The following TGDS variants were observed in gnomAD, a reference collection of about 807,000 sequenced individuals.
The protein encoded by TGDS is UDP-D-glucose 4,6-dehydratase.
Under a neutral mutation model 52.3 loss-of-function variants are expected in TGDS, and 47 were observed. The observed-to-expected ratio is 0.90, with a 90% confidence interval of 0.71 to 1.15. The LOEUF is 1.15. Among genes scored for constraint, TGDS ranks in the 50% most tolerant of loss-of-function variants. The probability of loss-of-function intolerance (pLI) is 0.00; values close to 1 mark genes in which losing one functional copy is unlikely to be tolerated. For synonymous variants in TGDS, 115 were observed against 136.9 expected (o/e 0.84, Z 1.12); for missense variants, 375 against 418.4 (o/e 0.90, Z 0.90).
In TGDS at chr13:94,595,529, C is replaced by G. The variant is rs146295341; in HGVS notation, c.86+522G>C. ...CATGGGCTAGGGTGGAAACGGGAAA[C>G]TGGTGAGAAGTGGTCGCCGTAAGGA... is the stretch of plus-strand genomic sequence containing the variant. On this transcript the variant is annotated intron_variant, in intron 1 of 11. Coordinates refer to ENST00000261296, the MANE Select transcript of TGDS (RefSeq NM_014305.4). Among the ~76,000 whole-genome samples the G allele has an allele frequency of 6.0e-3, 910 of 152,272 alleles. 3 individuals carry two copies. Among genetic ancestry groups the G allele is most frequent in the Middle Eastern group, 0.02 (6 of 294 alleles).
chr13:94,574,567 A>G lies in TGDS; in HGVS notation c.*215T>C. The G allele has an allele frequency of 2.0e-6, 1 of 490,000 alleles. No homozygotes were observed. The highest frequency in any genetic ancestry group is 3.2e-5 in the South Asian group (1 of 31,604). 30.4% of individuals were successfully genotyped at this position (490,000 alleles called of 1,614,324 possible). On this transcript the variant is annotated 3_prime_UTR_variant, in exon 12 of 12. Transcript: ENST00000261296. ...CTATTATTTCCTAGTTTCTAGGAGA[A>G]AGGGTTTCAGAAAGAATTTTGACAT...
At position 94,581,176 on chromosome 13, in the gene TGDS, G is replaced by A; in HGVS notation, c.470C>T (p.Ser157Phe). Reference protein sequence around the residue: ...GGSLDKEFDESSPKQPTNPYA... With the variant: ...GGSLDKEFDEFSPKQPTNPYA... ...AGGATTTGTAGGTTGTTTGGGTGAA[G>A]ATTCATCAAATTCCTATTTTTAAAA... Residue 157 changes from serine to phenylalanine, a missense_variant, in exon 6 of 12, where the codon TCT (serine) becomes TTT (phenylalanine). By Grantham distance (155) the Ser-to-Phe change is radical. Coordinates refer to ENST00000261296, the MANE Select transcript of TGDS (RefSeq NM_014305.4). 6.3e-7 allele frequency: 1 copy of A among 1,578,566 alleles called. No homozygotes were observed. Among genetic ancestry groups the A allele is most frequent in the Non-Finnish European group, 8.6e-7 (1 of 1,162,896 alleles).
intron 5 of TGDS, among the ~76,000 whole-genome samples, chr13:94,581,460 A>G (rs1306920438): frequency 6.6e-6 from 1 of 152,206 alleles, no homozygotes; most frequent in African/African-American, 2.4e-5. Flanking sequence ...GGCGAGAGAC[A>G]GTGGGAGAGG....
chr13:94,586,066 A>C (rs1209605733), intron 4 of TGDS, among the ~76,000 whole-genome samples: 1 of 152,170 alleles, frequency 6.6e-6, no homozygotes, highest in Non-Finnish European at 1.5e-5. Context: ...TAAAATAAAC[A>C]ATTTTTTACA....
intron 8 of TGDS, 29 bp from the exon 9 acceptor site, chr13:94,578,199 A>G (rs762067538): frequency 8.7e-6 from 14 of 1,608,558 alleles, no homozygotes; most frequent in South Asian, 3.3e-5. Flanking sequence ...GTGAAATCAT[A>G]AAGTGTAAAA....
intron 4 of TGDS, 61 bp from the exon 5 acceptor site, chr13:94,583,297 T>C: frequency 6.4e-7 from 1 of 1,558,086 alleles, no homozygotes. Flanking sequence ...AAATGCCAAA[T>C]GATGGACTCA....
chr13:94,585,728 A>AGGCAGAG (rs1888953224), intron 4 of TGDS, among the ~76,000 whole-genome samples: 1 of 149,770 alleles, frequency 6.7e-6, no homozygotes, highest in Non-Finnish European at 1.5e-5. Context: ...TGAACCTGGG[A>AGGCAGAG]GGCAGAGGTT....
At chr13:94,583,832 G>C (rs1482770954) in intron 4 of TGDS, among the ~76,000 whole-genome samples, 1 of 152,176 alleles carries the variant, frequency 6.6e-6, no homozygotes, top group Non-Finnish European at 1.5e-5. Context: ...TAAAGGGTTA[G>C]TATCGTCAAT....
At chr13:94,589,062 G>A (rs142917656) in intron 4 of TGDS, among the ~76,000 whole-genome samples, 2 of 152,164 alleles carry the variant, frequency 1.3e-5, no homozygotes, top group African/African-American at 4.8e-5. Flanking sequence ...CGTGACCTTG[G>A]GGTAGGAGAG....
At chr13:94,586,461 C>A (rs1355300115) in intron 4 of TGDS, among the ~76,000 whole-genome samples, 2 of 152,122 alleles carry the variant, frequency 1.3e-5, no homozygotes, top group African/African-American at 4.8e-5. Flanking sequence ...CAGAAATATA[C>A]AAGAGATTTA....
intron 4 of TGDS, among the ~76,000 whole-genome samples, chr13:94,587,613 G>T (rs1275924835): frequency 6.6e-6 from 1 of 152,152 alleles, no homozygotes; most frequent in Non-Finnish European, 1.5e-5. Context: ...GTATGGGGAA[G>T]AAATCTAAAT....
intron 4 of TGDS, 63 bp downstream of exon 4, chr13:94,590,790 A>C: frequency 2.3e-6 from 3 of 1,280,318 alleles, no homozygotes; most frequent in Non-Finnish European, 3.2e-6. Flanking sequence ...AAATATAAGT[A>C]TTAGGGGGGC....
intron 4 of TGDS, among the ~76,000 whole-genome samples, chr13:94,586,375 A>G (rs987367796): frequency 6.6e-6 from 1 of 152,230 alleles, no homozygotes. Flanking sequence ...ATTAATGTCA[A>G]ACAAAATAGA....
Position 94,583,206 on chromosome 13 carries a change from G to A in TGDS, c.344C>T (p.Thr115Ile). Residue 115 changes from threonine to isoleucine, a missense_variant, in exon 5 of 12, where the codon ACC becomes ATC. Transcript: ENST00000261296. ...GTGAGTGCCATAAACATTAACATAG[G>A]TAAACTCAAAGGCACGTACGAATGA... ...DLSFVRAFEF[T>I]YVNVYGTHVL... 6.2e-7 allele frequency: 1 copy of A among 1,613,696 alleles called. No homozygotes were observed. The highest frequency in any genetic ancestry group is 8.5e-7 in the Non-Finnish European group (1 of 1,179,888).
intron 8 of TGDS, among the ~76,000 whole-genome samples, chr13:94,578,390 G>A (rs1040120150): frequency 2.0e-5 from 2 of 98,736 alleles, no homozygotes; most frequent in Non-Finnish European, 4.2e-5. Flanking sequence ...TGTGAAATGT[G>A]TATTCAATTT....
At chr13:94,581,794 T>C (rs942893603) in intron 5 of TGDS, among the ~76,000 whole-genome samples, 1 of 152,168 alleles carries the variant, frequency 6.6e-6, no homozygotes, top group African/African-American at 2.4e-5. Context: ...TCATAAATAA[T>C]AAAATAAACA....
chr13:94,593,167 A>T (rs963240967), intron 2 of TGDS, among the ~76,000 whole-genome samples: 4 of 152,140 alleles, frequency 2.6e-5, no homozygotes, highest in Admixed American at 2.6e-4. Context: ...AAAAAAAAAA[A>T]TGTTCATGCC....
Position 94,578,160 on chromosome 13 carries a change from C to T in TGDS, c.670G>A (p.Gly224Arg). 3 of 1,613,488 alleles carry T rather than the reference C, an allele frequency of 1.9e-6. No homozygotes were observed. Among genetic ancestry groups the T allele is most frequent in the Non-Finnish European group, 1.7e-6 (2 of 1,179,732 alleles). ...LQHNRKCCIH[G>R]SGLQTRNFLY... The stretch of plus-strand genomic sequence containing the variant: ...AAGTTTCTTGTTTGAAGCCCTGACC[C>T]ATGAATGCAACTAAAGAGATTAAAC... Residue 224 changes from glycine (G) to arginine (R), a missense_variant, in exon 9 of 12, where the codon GGG (glycine) becomes AGG (arginine). Transcript: ENST00000261296.
intron 4 of TGDS, 120 bp from the exon 5 acceptor site, chr13:94,583,356 G>T: frequency 1.0e-6 from 1 of 990,648 alleles, no homozygotes; most frequent in Non-Finnish European, 1.4e-6. Flanking sequence ...ACAGCTGCAA[G>T]AGTTATAATA....
Sources: allele counts gnomAD v4.1 joint callset (sites outside exome capture counted in the v4.1 genomes callset), GRCh38; gene constraint gnomAD v4.1.1; transcripts MANE v1.5; gene names NCBI Gene and HGNC (gene_info 2026-07-23, HGNC 2026-07-21).